KLHL1: variants seen among roughly 807,000 people sequenced by gnomAD.
KLHL1 encodes kelch like family member 1.
KLHL1 carries 47 observed loss-of-function variants against 77.7 expected under a neutral mutation model. That is an observed-to-expected ratio of 0.60 (90% CI 0.48 to 0.77). The LOEUF (loss-of-function observed/expected upper bound fraction) is 0.77, where lower values mean the gene tolerates loss of function less well. KLHL1 is among the 30% of genes least tolerant of loss of function. KLHL1 has a pLI of 0.00. For synonymous variants in KLHL1, 360 were observed against 325.2 expected (o/e 1.11, Z -1.15); for missense variants, 925 against 910.8 (o/e 1.02, Z -0.20).
At chr13:70,004,728 C>T (rs1333352803) in intron 1 of KLHL1, among the ~76,000 whole-genome samples, 1 of 151,796 alleles carries the variant, frequency 6.6e-6, no homozygotes, top group African/African-American at 2.4e-5. Context: ...ATTGTTTTTA[C>T]ATTTTTATTA....
intron 8 of KLHL1, among the ~76,000 whole-genome samples, chr13:69,735,955 T>A (rs931061285): frequency 3.9e-5 from 6 of 152,188 alleles, no homozygotes; most frequent in Non-Finnish European, 5.9e-5. Flanking sequence ...ATTCATTGTA[T>A]ATGTGTATCT....
At chr13:70,049,828 CACAAA>C (rs775277487) in intron 1 of KLHL1, among the ~76,000 whole-genome samples, 12 of 151,628 alleles carry the variant, frequency 7.9e-5, no homozygotes, top group African/African-American at 2.9e-4. Context: ...TCTGGCTTAC[CACAAA>C]ACAAAACAAA....
intron 1 of KLHL1, among the ~76,000 whole-genome samples, chr13:70,014,725 T>C (rs192577990): frequency 2.6e-5 from 4 of 152,250 alleles, no homozygotes; most frequent in Admixed American, 2.6e-4. Flanking sequence ...AGTATATGAA[T>C]GATGAGATAA....
chr13:69,703,373 C>A (rs1875485380), intron 10 of KLHL1, among the ~76,000 whole-genome samples: 1 of 150,202 alleles, frequency 6.7e-6, no homozygotes, highest in African/African-American at 2.4e-5. Context: ...TACAGCTGGA[C>A]AATGTGTTTG....
At chr13:69,824,109 A>G (rs1878451540) in intron 6 of KLHL1, among the ~76,000 whole-genome samples, 1 of 152,016 alleles carries the variant, frequency 6.6e-6, no homozygotes, top group Non-Finnish European at 1.5e-5. Context: ...CATCAAGACT[A>G]CTTGAGTGTG....
At chr13:69,817,720 A>T (rs1452381001) in intron 6 of KLHL1, among the ~76,000 whole-genome samples, 2 of 152,132 alleles carry the variant, frequency 1.3e-5, no homozygotes, top group Non-Finnish European at 2.9e-5. Context: ...CTACTAAAGG[A>T]GATTTAGTGT....
intron 1 of KLHL1, among the ~76,000 whole-genome samples, chr13:70,066,200 T>C (rs1887001463): frequency 6.6e-6 from 1 of 152,212 alleles, no homozygotes; most frequent in Non-Finnish European, 1.5e-5. Flanking sequence ...TGCTTCGAGT[T>C]CTCAAGAGGT....
intron 1 of KLHL1, among the ~76,000 whole-genome samples, chr13:70,027,556 G>A (rs1485533395): frequency 2.0e-5 from 3 of 151,268 alleles, no homozygotes; most frequent in Admixed American, 2.0e-4. Flanking sequence ...TATAACAAAA[G>A]TTGATATTGC....
At chr13:69,765,778 A>G (rs1209303963) in intron 7 of KLHL1, among the ~76,000 whole-genome samples, 6 of 152,202 alleles carry the variant, frequency 3.9e-5, no homozygotes, top group Non-Finnish European at 7.3e-5. Context: ...CACCCAGGCA[A>G]TGCTACCCTC....
chr13:70,108,173 G>A lies in KLHL1; in HGVS notation c.-474C>T. 5.0e-6 allele frequency: 2 copies of A among 399,702 alleles called. No homozygotes were observed. Among genetic ancestry groups the A allele is most frequent in the Non-Finnish European group, 8.8e-6 (2 of 227,550 alleles). 24.8% of individuals were successfully genotyped at this position (399,702 alleles called of 1,614,324 possible). On this transcript the variant is annotated 5_prime_UTR_variant, in exon 1 of 11. Transcript: ENST00000377844. Reference sequence around the variant, plus strand: ...GTGGCGTTCTTGTCCTTGCAGCTCAGAGTTCAGTGTCTGGAGAGCGCAGAG... The same window carrying A: ...GTGGCGTTCTTGTCCTTGCAGCTCAAAGTTCAGTGTCTGGAGAGCGCAGAG...
At chr13:69,774,227 CACAGAT>C (rs1276332592) in intron 7 of KLHL1, among the ~76,000 whole-genome samples, 2 of 151,690 alleles carry the variant, frequency 1.3e-5, no homozygotes, top group African/African-American at 4.8e-5. Context: ...TATACAAACT[CACAGAT>C]ACAAATAGAG....
rs546734862 is a variant in KLHL1, at chr13:70,061,432, C to A, written c.497+45771G>T. 5.9e-5 allele frequency among the ~76,000 whole-genome samples: 9 copies of A among 151,904 alleles called. No homozygotes were observed. In the South Asian group the frequency reaches 1.9e-3, roughly 32 times the overall value. Reference sequence around the variant, plus strand: ...TTTTACTGCTTTATTGGAGTCACTTCCAATACATAAACAGTATATTAATCA... The same window carrying A: ...TTTTACTGCTTTATTGGAGTCACTTACAATACATAAACAGTATATTAATCA... On this transcript the variant is annotated intron_variant, in intron 1 of 10. Transcript: ENST00000377844.
chr13:69,925,817 G>T (rs2138272219), intron 4 of KLHL1, among the ~76,000 whole-genome samples: 1 of 152,252 alleles, frequency 6.6e-6, no homozygotes, highest in South Asian at 2.1e-4. Context: ...TCATTCATGA[G>T]ATAAATATGA....
intron 2 of KLHL1, among the ~76,000 whole-genome samples, chr13:69,972,405 G>C (rs562019999): frequency 1.3e-5 from 2 of 151,914 alleles, no homozygotes; most frequent in African/African-American, 4.8e-5. Context: ...AAGTGTTTTA[G>C]TCTGTAGAAT....
chr13:69,866,194 T>C (rs942147470), intron 5 of KLHL1, among the ~76,000 whole-genome samples: 1 of 152,116 alleles, frequency 6.6e-6, no homozygotes, highest in African/African-American at 2.4e-5. Context: ...AGTTGTTTAA[T>C]GGTTTGGAAA....
At chr13:69,979,072 A>T (rs1884631843) in intron 1 of KLHL1, among the ~76,000 whole-genome samples, 1 of 152,056 alleles carries the variant, frequency 6.6e-6, no homozygotes, top group South Asian at 2.1e-4. Flanking sequence ...TAGTTAAAAT[A>T]ATCTCAAATA....
At chr13:69,913,082 T>A (rs929632232) in intron 4 of KLHL1, among the ~76,000 whole-genome samples, 1 of 152,172 alleles carries the variant, frequency 6.6e-6, no homozygotes, top group African/African-American at 2.4e-5. Context: ...GAGTTCCAGG[T>A]GCTTCCCCAC....
chr13:69,710,908 G>A (rs541537583), intron 9 of KLHL1, among the ~76,000 whole-genome samples: 1 of 152,030 alleles, frequency 6.6e-6, no homozygotes, highest in African/African-American at 2.4e-5. Context: ...TGGTCAGAGT[G>A]TGAGCTCCGT....
At chr13:70,005,006 G>A (rs2439681) in intron 1 of KLHL1, among the ~76,000 whole-genome samples, 145,903 of 151,714 alleles carry the variant, frequency 0.96, 70,519 homozygotes, top group Non-Finnish European at 0.99. Flanking sequence ...TGTCATAATT[G>A]TAACGTAAGT....
Sources: gnomAD v4.1 joint callset for allele counts (sites outside exome capture counted in the v4.1 genomes callset) on GRCh38, gnomAD v4.1.1 for gene constraint, MANE v1.5 for transcripts, NCBI Gene and HGNC (gene_info 2026-07-23, HGNC 2026-07-21) for gene names.